The following DNAH9 variants were observed in gnomAD, a reference collection of about 807,000 sequenced individuals.
DNAH9 encodes DNAH9 variant protein.
Under a neutral mutation model 471.6 loss-of-function variants are expected in DNAH9, and 345 were observed. That is an observed-to-expected ratio of 0.73 (90% CI 0.67 to 0.80). DNAH9 has a LOEUF of 0.80. Ranked by LOEUF, DNAH9 falls within the 30% of genes least tolerant of loss-of-function variation. DNAH9 has a pLI of 0.00. For missense variants in DNAH9, 5,407 were observed against 5,609.2 expected (o/e 0.96, Z 1.15); for synonymous variants, 2,093 against 2,123.6 (o/e 0.99, Z 0.40).
chr17:11,835,002 A>T, intron 49 of DNAH9, 104 bp downstream of exon 49: 6 of 1,432,912 alleles, frequency 4.2e-6, no homozygotes, highest in Non-Finnish European at 5.6e-6. Flanking sequence ...GGGAGAGTTT[A>T]GGGTGGGCTC....
At chr17:11,933,463 C>A (rs550075620) in intron 64 of DNAH9, among the ~76,000 whole-genome samples, 1 of 152,124 alleles carries the variant, frequency 6.6e-6, no homozygotes, top group South Asian at 2.1e-4. Flanking sequence ...TCACCACAAC[C>A]TCCGCCTCCC....
chr17:11,690,374 A>G lies in DNAH9; in HGVS notation c.4552A>G (p.Thr1518Ala), dbSNP rs2074314233. ...VISIWFEVQRTWTHLESIFTG... is the reference protein window; with the variant it reads ...VISIWFEVQRAWTHLESIFTG... ...CTCTATCTGGTTTGAAGTGCAGCGA[A>G]CATGGACTCACCTGGAAAGCATATT... is the stretch of plus-strand genomic sequence containing the variant. The change falls in exon 20 of 69, where the codon ACA becomes GCA. Residue 1518 changes from threonine to alanine, a missense_variant. Thr to Ala is a moderately conservative substitution (Grantham distance 58). Around this residue, in one of 3 missense-constraint regions of DNAH9, gnomAD observed 4,636 missense variants for 4,900.3 expected, o/e 0.95. Transcript: ENST00000262442. 1.2e-6 allele frequency: 2 copies of G among 1,614,028 alleles called. No individual in the cohort carries two copies. Among genetic ancestry groups the G allele is most frequent in the Non-Finnish European group, 1.7e-6 (2 of 1,179,978 alleles).
chr17:11,949,994 TC>T (rs981588834), intron 67 of DNAH9, among the ~76,000 whole-genome samples: 10 of 152,232 alleles, frequency 6.6e-5, no homozygotes, highest in African/African-American at 2.2e-4. Flanking sequence ...CATATTATGT[TC>T]CTCTGCTTTC....
intron 27 of DNAH9, among the ~76,000 whole-genome samples, chr17:11,719,937 A>G (rs2075025134): frequency 6.6e-6 from 1 of 152,212 alleles, no homozygotes; most frequent in Non-Finnish European, 1.5e-5. Context: ...AGAAGTGGAC[A>G]TTCCCCAGAA....
At chr17:11,943,611 A>G (rs928828239) in intron 67 of DNAH9, among the ~76,000 whole-genome samples, 4 of 152,134 alleles carry the variant, frequency 2.6e-5, no homozygotes, top group Non-Finnish European at 5.9e-5. Context: ...TGGGAGGCGG[A>G]GCTTGCAGTG....
intron 59 of DNAH9, 73 bp from the exon 60 acceptor site, chr17:11,902,646 C>CGTA: frequency 7.1e-7 from 1 of 1,399,164 alleles, no homozygotes; most frequent in South Asian, 1.3e-5. Context: ...CATCTGGCCC[C>CGTA]TCAATCCCCC....
chr17:11,740,762 G>A (rs917908948), intron 29 of DNAH9, among the ~76,000 whole-genome samples: 17 of 152,300 alleles, frequency 1.1e-4, no homozygotes, highest in African/African-American at 3.9e-4. Context: ...AGTAACCCTA[G>A]TTACTAGGGT....
chr17:11,805,013 C>G (rs554057220), intron 43 of DNAH9, among the ~76,000 whole-genome samples: 1 of 151,412 alleles, frequency 6.6e-6, no homozygotes, highest in East Asian at 1.9e-4. Context: ...GAGATCCCAC[C>G]ATTACACTCC....
chr17:11,617,349 G>A, intron 4 of DNAH9, 62 bp from the exon 5 acceptor site: 1 of 1,196,230 alleles, frequency 8.4e-7, no homozygotes, highest in Non-Finnish European at 1.2e-6. Context: ...CAGGGACTAG[G>A]GCTCCACCAG....
At chr17:11,827,537 G>T (rs1255064551) in intron 48 of DNAH9, among the ~76,000 whole-genome samples, 1 of 152,176 alleles carries the variant, frequency 6.6e-6, no homozygotes, top group Non-Finnish European at 1.5e-5. Context: ...ATGGTACTAA[G>T]CCATTCATGA....
At chr17:11,867,117 A>G (rs4792188) in intron 50 of DNAH9, among the ~76,000 whole-genome samples, 1 of 152,174 alleles carries the variant, frequency 6.6e-6, no homozygotes, top group African/African-American at 2.4e-5. Context: ...CTGCGTCGCT[A>G]ACGCTGGGAG....
intron 61 of DNAH9, among the ~76,000 whole-genome samples, chr17:11,910,714 T>A (rs1484999114): frequency 6.6e-6 from 1 of 152,180 alleles, no homozygotes; most frequent in African/African-American, 2.4e-5. Flanking sequence ...CACCAACACT[T>A]ATTATCCATC....
intron 59 of DNAH9, among the ~76,000 whole-genome samples, chr17:11,899,553 T>C (rs2151010606): frequency 6.6e-6 from 1 of 152,332 alleles, no homozygotes; most frequent in African/African-American, 2.4e-5. Flanking sequence ...ATTTGGAAGA[T>C]TAAATGTTGC....
intron 27 of DNAH9, among the ~76,000 whole-genome samples, chr17:11,722,523 A>G (rs924230104): frequency 6.6e-6 from 1 of 152,206 alleles, no homozygotes; most frequent in Non-Finnish European, 1.5e-5. Context: ...GGTAAGTGAT[A>G]TCTCGGGAAT....
In DNAH9 at chr17:11,752,974, G is replaced by C. The variant is rs768373327; in HGVS notation, c.6738+14G>C. 1.3e-6 allele frequency: 2 copies of C among 1,570,354 alleles called. No homozygotes were observed. Among genetic ancestry groups the C allele is most frequent in the Non-Finnish European group, 1.7e-6 (2 of 1,158,624 alleles). On this transcript the variant is annotated intron_variant, in intron 33 of 68. Transcript: ENST00000262442. ...GATGATAACAAGGTATGAAATTGGG[G>C]GATATCCCTAGATCATTTCTAATCA...
At chr17:11,950,972 T>C (rs1975341447) in intron 67 of DNAH9, among the ~76,000 whole-genome samples, 1 of 152,022 alleles carries the variant, frequency 6.6e-6, no homozygotes, top group Admixed American at 6.6e-5. Context: ...ACCTTAGGAG[T>C]TCTGCTGAGT....
intron 45 of DNAH9, among the ~76,000 whole-genome samples, chr17:11,818,742 A>G (rs907599907): frequency 6.6e-6 from 1 of 151,978 alleles, no homozygotes; most frequent in East Asian, 1.9e-4. Context: ...CCTTTACATC[A>G]TATCCATTGT....
In DNAH9 at chr17:11,619,554, A is replaced by G. The variant is rs2072811671; in HGVS notation, c.1123A>G (p.Asn375Asp). ...TAATCTGTTTGTATACCAGGCCTCTAATTATCTCAGCCCAGAAGACCTGCT... is the reference window on the plus strand; with the variant it reads ...TAATCTGTTTGTATACCAGGCCTCTGATTATCTCAGCCCAGAAGACCTGCT... ...ICNLLIQQAS[N>D]YLSPEDLLRS... is the part of the protein sequence containing the mutation. The change falls in exon 6 of 69, where the codon AAT becomes GAT. Residue 375 changes from asparagine to aspartate, a missense_variant. By Grantham distance (23) the Asn-to-Asp change is conservative. Transcript: ENST00000262442. The G allele has an allele frequency of 6.2e-7, 1 of 1,607,180 alleles. No homozygotes were observed. The highest frequency in any genetic ancestry group is 1.3e-5 in the African/African-American group (1 of 74,744).
chr17:11,668,025 A>C (rs2150725720), intron 15 of DNAH9, among the ~76,000 whole-genome samples: 1 of 152,340 alleles, frequency 6.6e-6, no homozygotes, highest in Admixed American at 6.5e-5. Flanking sequence ...ATATAAAAAT[A>C]AGTGGTTATT....
Sources: allele counts gnomAD v4.1 joint callset (sites outside exome capture counted in the v4.1 genomes callset), GRCh38; gene constraint gnomAD v4.1.1; regional missense constraint gnomAD v4.1.1; transcripts MANE v1.5; gene names NCBI Gene and HGNC (gene_info 2026-07-23, HGNC 2026-07-21).